The following SLFN5 variants were observed in gnomAD, a reference collection of about 807,000 sequenced individuals.
SLFN5 encodes schlafen family member 5.
In SLFN5, 34 loss-of-function variants were observed where a neutral mutation model predicts 48.5. That is an observed-to-expected ratio of 0.70 (90% confidence interval 0.53 to 0.93). The LOEUF (loss-of-function observed/expected upper bound fraction) is 0.93. Ranked by LOEUF, SLFN5 falls within the 40% of genes least tolerant of loss-of-function variation. The probability of loss-of-function intolerance (pLI) is 0.00; values close to 1 mark genes in which losing one functional copy is unlikely to be tolerated. For synonymous variants in SLFN5, 387 were observed against 396.2 expected (o/e 0.98, Z 0.28); for missense variants, 1,006 against 1,071.3 (o/e 0.94, Z 0.85).
At chr17:35,257,022 A>G (rs11080332) in intron 1 of SLFN5, among the ~76,000 whole-genome samples, 122,969 of 152,018 alleles carry the variant, frequency 0.81, 49,899 homozygotes, top group Middle Eastern at 0.91. Flanking sequence ...TAGGCTGCGC[A>G]CTCCTTATGA....
rs913329450 is a variant in SLFN5, at chr17:35,270,093, T to A, written c.*4205T>A. 2.0e-5 allele frequency: 3 copies of A among 152,094 alleles called. No homozygotes were observed. The highest frequency in any genetic ancestry group is 7.2e-5 in the African/African-American group (3 of 41,428). The allele number at this position is 152,094 out of a possible 1,614,324, so 9.4% of individuals were successfully genotyped here. ...TCAAGTGAAATAAACATAAAAATAA[T>A]TTTAAAATATTATGTATCATATCCT... On this transcript the variant is annotated 3_prime_UTR_variant, in exon 5 of 5. Coordinates refer to ENST00000299977, the MANE Select transcript of SLFN5 (RefSeq NM_144975.4).
chr17:35,255,589 C>A (rs891197586), intron 1 of SLFN5, among the ~76,000 whole-genome samples: 5 of 152,156 alleles, frequency 3.3e-5, no homozygotes, highest in African/African-American at 1.2e-4. Flanking sequence ...TGGATGGAGT[C>A]CTGCAGGGAA....
intron 1 of SLFN5, among the ~76,000 whole-genome samples, chr17:35,249,991 C>T (rs1038981767): frequency 3.9e-5 from 6 of 152,186 alleles, no homozygotes; most frequent in Admixed American, 1.3e-4. Context: ...AGAAGTCAGA[C>T]GCAAAGGAAT....
chr17:35,266,832 C>T lies in SLFN5; in HGVS notation c.*944C>T, dbSNP rs1298515599. 1.3e-5 allele frequency: 2 copies of T among 152,134 alleles called. No individual in the cohort carries two copies. The highest frequency in any genetic ancestry group is 4.2e-4 in the South Asian group (2 of 4,812). The allele number at this position is 152,134 out of a possible 1,614,324, so 9.4% of individuals were successfully genotyped here. On this transcript the variant is annotated 3_prime_UTR_variant, in exon 5 of 5. Coordinates refer to ENST00000299977, the MANE Select transcript of SLFN5 (RefSeq NM_144975.4). Reference sequence around the variant, plus strand: ...AGGATGTTAGCTAGTCTTTCAAAAGCCATTGCTACAAAAGTGCAAATTTCT... The same window carrying T: ...AGGATGTTAGCTAGTCTTTCAAAAGTCATTGCTACAAAAGTGCAAATTTCT...
chr17:35,248,384 T>C (rs1488935058), intron 1 of SLFN5, among the ~76,000 whole-genome samples: 1 of 151,888 alleles, frequency 6.6e-6, no homozygotes, highest in African/African-American at 2.4e-5. Context: ...CCAAAACCAA[T>C]GGGAAATTTG....
At chr17:35,258,517 T>C in intron 1 of SLFN5, 134 bp from the exon 2 acceptor site, 1 of 649,884 alleles carries the variant, frequency 1.5e-6, no homozygotes, top group Non-Finnish European at 2.5e-6. Context: ...AGATGAGATT[T>C]GGGTGGGGAC....
chr17:35,252,534 G>T (rs34689377), intron 1 of SLFN5, among the ~76,000 whole-genome samples: 11,729 of 152,114 alleles, frequency 0.077, 921 homozygotes, highest in East Asian at 0.2. Flanking sequence ...TTCCTCTATA[G>T]ATAATGTGCC....
rs1373301541 is a variant in SLFN5, at chr17:35,263,790, C to T, written c.1139-393C>T. Among the ~76,000 whole-genome samples, 6 of 124,234 alleles carry T rather than the reference C, an allele frequency of 4.8e-5. No homozygotes were observed. In the Admixed American group the frequency reaches 5.4e-4, roughly 11 times the overall value. 81.5% of individuals were successfully genotyped at this position (124,234 alleles called of 152,430 possible). A position where few individuals can be genotyped will look rare whatever the true frequency, so the allele number is the denominator to read the frequency against. ...GTGAGCCGAGATCGCACCACTGGTG[C>T]GACAGAGCAAGACTCCATCTCAAAA... is the stretch of plus-strand genomic sequence containing the variant. On this transcript the variant is annotated intron_variant, in intron 3 of 4. Coordinates refer to ENST00000299977, the MANE Select transcript of SLFN5 (RefSeq NM_144975.4).
chr17:35,250,658 C>CA (rs58089633), intron 1 of SLFN5, among the ~76,000 whole-genome samples: 96,870 of 133,992 alleles, frequency 0.72, 34,715 homozygotes, highest in African/African-American at 0.79. Context: ...AGACTCATCT[C>CA]AAAAAAAAAA....
In SLFN5 at chr17:35,265,263, A is replaced by C; in HGVS notation, c.2051A>C (p.Asp684Ala). 1 of 1,614,218 alleles carries C rather than the reference A, an allele frequency of 6.2e-7. No individual in the cohort carries two copies. The highest frequency in any genetic ancestry group is 8.5e-7 in the Non-Finnish European group (1 of 1,180,042). ...CCAGGAGTTCTCTGGATCTTTCTGG[A>C]CTACTTTCAGACCTATCACTTGAGT... ...DGPGVLWIFL[D>A]YFQTYHLSCS... is the part of the protein sequence containing the mutation. Residue 684 changes from aspartate to alanine, a missense_variant, in exon 5 of 5, where the codon GAC becomes GCC. Coordinates refer to ENST00000299977, the MANE Select transcript of SLFN5 (RefSeq NM_144975.4).
At position 35,259,872 on chromosome 17, in the gene SLFN5, G is replaced by A; in HGVS notation, c.1012+170G>A. 4 of 774,740 alleles carry A rather than the reference G, an allele frequency of 5.2e-6. No homozygotes were observed. The East Asian group carries it at 8.2e-5, about 16-fold the overall frequency. 48.0% of individuals were successfully genotyped at this position (774,740 alleles called of 1,614,324 possible). Reference sequence around the variant, plus strand: ...CTGTAGATGTAGTTCGTGGATTATTGCCCTTCCTTTCTTCTGCCATCTTAA... The same window carrying A: ...CTGTAGATGTAGTTCGTGGATTATTACCCTTCCTTTCTTCTGCCATCTTAA... On this transcript the variant is annotated intron_variant, in intron 2 of 4. Transcript: ENST00000299977.
intron 1 of SLFN5, among the ~76,000 whole-genome samples, chr17:35,247,094 A>G (rs2092432561): frequency 6.6e-6 from 1 of 152,180 alleles, no homozygotes; most frequent in Non-Finnish European, 1.5e-5. Flanking sequence ...GGTAGTGGTC[A>G]GGACCTTGTC....
intron 1 of SLFN5, among the ~76,000 whole-genome samples, chr17:35,254,814 C>T (rs1233708664): frequency 4.6e-5 from 7 of 152,240 alleles, no homozygotes; most frequent in Middle Eastern, 6.8e-3. Context: ...GTCAGGAGTT[C>T]GAGACCAGCC....
chr17:35,261,567 C>A (rs545707957), intron 3 of SLFN5, among the ~76,000 whole-genome samples: 4 of 151,654 alleles, frequency 2.6e-5, no homozygotes, highest in Admixed American at 6.6e-5. Context: ...TGGAGTCTCC[C>A]TGTGTTGCCC....
At chr17:35,251,510 A>G (rs532545582) in intron 1 of SLFN5, among the ~76,000 whole-genome samples, 3 of 152,000 alleles carry the variant, frequency 2.0e-5, no homozygotes, top group Admixed American at 6.5e-5. Context: ...GGTTCACGCC[A>G]TTCTCCTGCC....
Position 35,261,023 on chromosome 17 carries a change from GC to G in SLFN5, c.1069del (p.Arg357AlafsTer14), listed in dbSNP as rs749012786. The stretch of plus-strand genomic sequence containing the variant: ...TCCAGTTGAGTTTGTCATCTGCCAC[GC>G]CCCGCAGCAAGCCTGTGTGCATTCA... ...VLQLSLSSAT[P>X]RSKPVCIHKN... is the part of the protein sequence containing the mutation. On this transcript the variant is annotated frameshift_variant, in exon 3 of 5. Coordinates refer to ENST00000299977, the MANE Select transcript of SLFN5 (RefSeq NM_144975.4). LOFTEE classifies it high-confidence loss of function. 2 of 1,613,896 alleles carry G rather than the reference GC, an allele frequency of 1.2e-6. No homozygotes were observed. Among genetic ancestry groups the G allele is most frequent in the Non-Finnish European group, 1.7e-6 (2 of 1,179,876 alleles).
intron 1 of SLFN5, among the ~76,000 whole-genome samples, chr17:35,253,359 A>ACTCTCTCTCT (rs57385773): frequency 2.7e-5 from 4 of 150,048 alleles, no homozygotes; most frequent in African/African-American, 7.4e-5. Flanking sequence ...ACTGTATAGC[A>ACTCTCTCTCT]CTCTCTCTCT....
chr17:35,269,973 G>A lies in SLFN5; in HGVS notation c.*4085G>A, dbSNP rs1024204206. 6.6e-6 allele frequency: 1 copy of A among 152,140 alleles called. No individual in the cohort carries two copies. Among genetic ancestry groups the A allele is most frequent in the Non-Finnish European group, 1.5e-5 (1 of 68,010 alleles). The allele number at this position is 152,140 out of a possible 1,614,324, so 9.4% of individuals were successfully genotyped here. On this transcript the variant is annotated 3_prime_UTR_variant, in exon 5 of 5. Coordinates refer to ENST00000299977, the MANE Select transcript of SLFN5 (RefSeq NM_144975.4). ...TTGTAATTTAGTCATTTTAATATTA[G>A]ATAAATCTTCCTGTAACTGAAAGTT...
intron 1 of SLFN5, among the ~76,000 whole-genome samples, chr17:35,253,967 G>A (rs2092449140): frequency 6.6e-6 from 1 of 151,966 alleles, no homozygotes; most frequent in African/African-American, 2.4e-5. Context: ...CAAAGTGCTG[G>A]GATTACAAGC....
Sources: gnomAD v4.1 joint callset for allele counts (sites outside exome capture counted in the v4.1 genomes callset) on GRCh38, gnomAD v4.1.1 for gene constraint, MANE v1.5 for transcripts, NCBI Gene and HGNC (gene_info 2026-07-23, HGNC 2026-07-21) for gene names.